CHIC1: variants seen among roughly 807,000 people sequenced by gnomAD.
CHIC1 encodes cysteine-rich hydrophobic domain-containing protein 1.
CHIC1 carries 7 observed loss-of-function variants against 18.5 expected under a neutral mutation model. The observed-to-expected ratio is 0.38, with a 90% CI of 0.22 to 0.71. The LOEUF (loss-of-function observed/expected upper bound fraction) is 0.71. CHIC1 is among the 30% of genes least tolerant of loss of function. The pLI is 0.49. For missense variants in CHIC1, 159 were observed against 176.9 expected, an observed-to-expected ratio of 0.90 and a Z score of 0.57; for synonymous variants, 77 against 73.5, an observed-to-expected ratio of 1.05 and a Z score of -0.25.
chrX:73,658,252 T>G (rs2057960990), intron 3 of CHIC1, among the ~76,000 whole-genome samples: 1 of 80,004 alleles, frequency 1.2e-5, no homozygotes, highest in African/African-American at 4.6e-5. Context: ...TCCTAGGTTT[T>G]TTTTTTTTTT....
Position 73,563,592 on chromosome X carries a change from G to A in CHIC1, c.296+12G>A. The A allele has an allele frequency of 9.5e-7, 1 of 1,056,988 alleles. No homozygotes were observed. The allele number at this position is 1,056,988 out of a possible 1,213,427, so 87.1% of individuals were successfully genotyped here. A position where few individuals can be genotyped will look rare whatever the true frequency, so the allele number is the denominator to read the frequency against. On this transcript the variant is annotated intron_variant, in intron 1 of 5. Coordinates refer to ENST00000373502, the MANE Select transcript of CHIC1 (RefSeq NM_001039840.4). ...GGCCACATCACTGTGTAAGCGAGAG[G>A]GGGTCTTGGGACTTGAAATGCCTGA...
chrX:73,616,712 C>T (rs777748877), intron 3 of CHIC1, among the ~76,000 whole-genome samples: 66 of 111,886 alleles, frequency 5.9e-4, no homozygotes, highest in African/African-American at 2.1e-3. Context: ...CCTCTGAAAC[C>T]ATGGCCCAAG....
intron 3 of CHIC1, among the ~76,000 whole-genome samples, chrX:73,638,598 G>A (rs891905642): frequency 1.8e-5 from 2 of 111,256 alleles, no homozygotes; most frequent in African/African-American, 6.5e-5. Flanking sequence ...TTTCTGAGAG[G>A]TGTGTTGTAT....
Position 73,684,267 on chromosome X carries a change from G to T in CHIC1, c.*3262G>T, listed in dbSNP as rs2058112028. ...TAGTTCTGGAAGGACAGTTGTCTTT[G>T]ATTAAAGCCCCACCAAAACCCATTT... On this transcript the variant is annotated 3_prime_UTR_variant, in exon 6 of 6. Coordinates refer to ENST00000373502, the MANE Select transcript of CHIC1 (RefSeq NM_001039840.4). The T allele has an allele frequency of 9.0e-6, 1 of 110,698 alleles. No individual in the cohort carries two copies. Among genetic ancestry groups the T allele is most frequent in the South Asian group, 3.8e-4 (1 of 2,644 alleles). 9.1% of individuals were successfully genotyped at this position (110,698 alleles called of 1,213,427 possible).
At chrX:73,579,699 G>A (rs139577011) in intron 2 of CHIC1, among the ~76,000 whole-genome samples, 2,581 of 110,171 alleles carry the variant, frequency 0.023, 33 homozygotes, top group Non-Finnish European at 0.04. Context: ...TGAGATTTTG[G>A]CTCACTCTTT....
chrX:73,632,458 G>A (rs1235129163), intron 3 of CHIC1, among the ~76,000 whole-genome samples: 2 of 111,569 alleles, frequency 1.8e-5, no homozygotes, highest in African/African-American at 6.5e-5. Flanking sequence ...TTAATTATTG[G>A]TAGGTAAGGA....
At chrX:73,581,285 A>T (rs948951815) in intron 2 of CHIC1, among the ~76,000 whole-genome samples, 2 of 110,721 alleles carry the variant, frequency 1.8e-5, no homozygotes, top group Non-Finnish European at 3.8e-5. Flanking sequence ...CTGTTATAAA[A>T]TATTATGACC....
intron 3 of CHIC1, among the ~76,000 whole-genome samples, chrX:73,645,307 T>C (rs988989497): frequency 1.8e-5 from 2 of 112,239 alleles, no homozygotes; most frequent in African/African-American, 6.5e-5. Flanking sequence ...TATTCATTAG[T>C]CCATTGATGG....
At chrX:73,626,681 A>G (rs1466040452) in intron 3 of CHIC1, among the ~76,000 whole-genome samples, 2 of 111,057 alleles carry the variant, frequency 1.8e-5, no homozygotes, top group Non-Finnish European at 3.8e-5. Context: ...TTTATCCGAT[A>G]GAATTCTGAA....
At chrX:73,580,710 T>C (rs1459134581) in intron 2 of CHIC1, among the ~76,000 whole-genome samples, 1 of 111,023 alleles carries the variant, frequency 9.0e-6, no homozygotes, top group Non-Finnish European at 1.9e-5. Context: ...TTAAAATATT[T>C]TAAAATGAAT....
At chrX:73,598,148 G>A (rs956642503) in intron 3 of CHIC1, among the ~76,000 whole-genome samples, 4 of 110,504 alleles carry the variant, frequency 3.6e-5, no homozygotes, top group Admixed American at 9.7e-5. Flanking sequence ...TAATGGGATC[G>A]CTGGGTCAAA....
chrX:73,590,252 T>TAAC (rs1313818855), intron 3 of CHIC1, among the ~76,000 whole-genome samples: 1 of 111,007 alleles, frequency 9.0e-6, no homozygotes, highest in African/African-American at 3.3e-5. Flanking sequence ...CTCTCAGTTT[T>TAAC]TATTTAGGAA....
At chrX:73,632,345 G>C (rs1193137949) in intron 3 of CHIC1, among the ~76,000 whole-genome samples, 1 of 111,711 alleles carries the variant, frequency 9.0e-6, no homozygotes, top group Non-Finnish European at 1.9e-5. Flanking sequence ...TTCACTTTCA[G>C]CCTAGTGTGT....
chrX:73,604,930 A>G (rs751543226), intron 3 of CHIC1, among the ~76,000 whole-genome samples: 5 of 109,028 alleles, frequency 4.6e-5, no homozygotes, highest in Non-Finnish European at 9.4e-5. Context: ...TATGTGGTCA[A>G]TTTTAGAATA....
chrX:73,600,815 C>G (rs1339470023), intron 3 of CHIC1, among the ~76,000 whole-genome samples: 4 of 106,595 alleles, frequency 3.8e-5, no homozygotes, highest in Non-Finnish European at 5.7e-5. Flanking sequence ...GGAAACCCAT[C>G]TCACGTGCAG....
At chrX:73,606,240 A>T (rs1415654804) in intron 3 of CHIC1, among the ~76,000 whole-genome samples, 1 of 105,974 alleles carries the variant, frequency 9.4e-6, no homozygotes, top group Non-Finnish European at 1.9e-5. Flanking sequence ...GTTGATCTTC[A>T]ATCTCTGATA....
chrX:73,662,055 A>AAAAT lies in CHIC1; in HGVS notation c.508-17255_508-17252dup, dbSNP rs199851747. The stretch of plus-strand genomic sequence containing the variant: ...AAGTATAATAATAAAAAAATAAATA[A>AAAAT]AAATAAATAAATAAATAAAAATAAA... On this transcript the variant is annotated intron_variant, in intron 3 of 5. Transcript: ENST00000373502. 2.8e-5 allele frequency among the ~76,000 whole-genome samples: 3 copies of AAAAT among 109,056 alleles called. No homozygotes were observed. The Admixed American group carries it at 2.9e-4, about 11-fold the overall frequency. The allele number at this position is 109,056 out of a possible 115,157, so 94.7% of individuals were successfully genotyped here.
At chrX:73,604,708 T>G (rs953119365) in intron 3 of CHIC1, among the ~76,000 whole-genome samples, 2 of 109,118 alleles carry the variant, frequency 1.8e-5, no homozygotes, top group Non-Finnish European at 3.8e-5. Context: ...TGTTGTGTCT[T>G]TGTTGTCATT....
chrX:73,625,205 T>TC (rs1265738157), intron 3 of CHIC1, among the ~76,000 whole-genome samples: 56 of 111,393 alleles, frequency 5.0e-4, no homozygotes, highest in African/African-American at 1.8e-3. Flanking sequence ...ATTAATATTT[T>TC]CCATTCAGCC....
Sources: allele counts gnomAD v4.1 joint callset (sites outside exome capture counted in the v4.1 genomes callset), GRCh38; gene constraint gnomAD v4.1.1; transcripts MANE v1.5; gene names NCBI Gene and HGNC (gene_info 2026-07-23, HGNC 2026-07-21).